DCAF12: variants seen among roughly 807,000 people sequenced by gnomAD.
The protein encoded by DCAF12 is DDB1 and CUL4 associated factor 12.
A neutral mutation model predicts 52.8 loss-of-function variants in DCAF12; 28 were observed. The observed-to-expected ratio is 0.53, with a 90% confidence interval of 0.39 to 0.73. The LOEUF (loss-of-function observed/expected upper bound fraction) is 0.73. Ranked by LOEUF, DCAF12 falls within the 30% of genes least tolerant of loss-of-function variation. The probability of loss-of-function intolerance (pLI) is 0.00; values close to 1 mark genes in which losing one functional copy is unlikely to be tolerated. For synonymous variants in DCAF12, 196 were observed against 215.5 expected, an observed-to-expected ratio of 0.91 and a Z score of 0.79; for missense variants, 425 against 552.2, an observed-to-expected ratio of 0.77 and a Z score of 2.31.
chr9:34,093,662 A>C, intron 6 of DCAF12: 1 of 514,634 alleles, frequency 1.9e-6, no homozygotes. Flanking sequence ...ACTGAAGGAG[A>C]TAGGTTGGGG....
chr9:34,097,398 G>C (rs559477961), intron 5 of DCAF12, among the ~76,000 whole-genome samples: 1 of 151,746 alleles, frequency 6.6e-6, no homozygotes, highest in African/African-American at 2.4e-5. Context: ...GGGAATACAG[G>C]CATATGCCAC....
intron 2 of DCAF12, among the ~76,000 whole-genome samples, chr9:34,116,970 C>T (rs1045410391): frequency 6.6e-6 from 1 of 152,194 alleles, no homozygotes; most frequent in African/African-American, 2.4e-5. Context: ...TAGCGCGAGA[C>T]TCCGTCTCAA....
rs1828588057 is a variant in DCAF12 at position 34,088,131 on chromosome 9, G to C, written c.*219C>G. On this transcript the variant is annotated 3_prime_UTR_variant, in exon 9 of 9. Coordinates refer to ENST00000361264, the MANE Select transcript of DCAF12 (RefSeq NM_015397.4). ...GGTTGAAAAGCCAGAAATAATAAAAGATAGTAAAATTTTGATTACCAAAGG... is the reference window on the plus strand; with the variant it reads ...GGTTGAAAAGCCAGAAATAATAAAACATAGTAAAATTTTGATTACCAAAGG... 3 of 400,074 alleles carry C rather than the reference G, an allele frequency of 7.5e-6. No individual in the cohort carries two copies. The highest frequency in any genetic ancestry group is 1.3e-5 in the Non-Finnish European group (3 of 229,464). 24.8% of individuals were successfully genotyped at this position (400,074 alleles called of 1,614,324 possible). A position where few individuals can be genotyped will look rare whatever the true frequency, so the allele number is the denominator to read the frequency against.
Position 34,126,610 on chromosome 9 carries a change from G to C in DCAF12, c.-179C>G. 1 of 681,762 alleles carries C rather than the reference G, an allele frequency of 1.5e-6. No homozygotes were observed. Among genetic ancestry groups the C allele is most frequent in the Non-Finnish European group, 2.4e-6 (1 of 417,480 alleles). 42.2% of individuals were successfully genotyped at this position (681,762 alleles called of 1,614,324 possible). A position where few individuals can be genotyped will look rare whatever the true frequency, so the allele number is the denominator to read the frequency against. On this transcript the variant is annotated 5_prime_UTR_variant, in exon 1 of 9. Transcript: ENST00000361264. Reference sequence around the variant, plus strand: ...TAGGCGGAAAGAAAGGAAAGAGAGAGGAAGGACTTGAGCCGGGAAAGGGAA... The same window carrying C: ...TAGGCGGAAAGAAAGGAAAGAGAGACGAAGGACTTGAGCCGGGAAAGGGAA...
In DCAF12 at chr9:34,117,311, C is replaced by T. The variant is rs1330936774; in HGVS notation, c.333+7712G>A. On this transcript the variant is annotated intron_variant, in intron 2 of 8. Coordinates refer to ENST00000361264, the MANE Select transcript of DCAF12 (RefSeq NM_015397.4). ...AAAAAAAGGTGCCCACCACCACGCC[C>T]GGCTAATTTTTTGTATTTTTAGTAG... Among the ~76,000 whole-genome samples, 5 of 151,244 alleles carry T rather than the reference C, an allele frequency of 3.3e-5. No individual in the cohort carries two copies. In the East Asian group the frequency reaches 7.8e-4, roughly 24 times the overall value.
rs1013268782 is a variant in DCAF12 at position 34,086,581 on chromosome 9, A to C, written c.*1769T>G. 2.0e-5 allele frequency: 3 copies of C among 152,184 alleles called. No homozygotes were observed. The highest frequency in any genetic ancestry group is 7.2e-5 in the African/African-American group (3 of 41,456). The allele number at this position is 152,184 out of a possible 1,614,324, so 9.4% of individuals were successfully genotyped here. A position where few individuals can be genotyped will look rare whatever the true frequency, so the allele number is the denominator to read the frequency against. On this transcript the variant is annotated 3_prime_UTR_variant, in exon 9 of 9. Transcript: ENST00000361264. The stretch of plus-strand genomic sequence containing the variant: ...AATGATAGAAGTTCTGTGAGAACTA[A>C]GAAATCTACAGCCTGTAGTTTAATA...
intron 1 of DCAF12, 46 bp downstream of exon 1, chr9:34,126,308 T>C (rs1829249134): frequency 6.2e-7 from 1 of 1,604,708 alleles, no homozygotes; most frequent in Non-Finnish European, 8.5e-7. Context: ...AAGCCCATCT[T>C]GGTTCCTCAG....
rs941237804 is a variant in DCAF12 at position 34,086,555 on chromosome 9, A to C, written c.*1795T>G. The C allele has an allele frequency of 2.0e-4, 31 of 152,320 alleles. No homozygotes were observed. Among genetic ancestry groups the C allele is most frequent in the African/African-American group, 7.2e-4 (30 of 41,590 alleles). The allele number at this position is 152,320 out of a possible 1,614,324, so 9.4% of individuals were successfully genotyped here. A position where few individuals can be genotyped will look rare whatever the true frequency, so the allele number is the denominator to read the frequency against. On this transcript the variant is annotated 3_prime_UTR_variant, in exon 9 of 9. Coordinates refer to ENST00000361264, the MANE Select transcript of DCAF12 (RefSeq NM_015397.4). ...TTTTTTAAATATACAAGTCAGTTTA[A>C]AATGATAGAAGTTCTGTGAGAACTA... is the stretch of plus-strand genomic sequence containing the variant.
intron 2 of DCAF12, among the ~76,000 whole-genome samples, chr9:34,118,493 A>C (rs1396013129): frequency 6.6e-6 from 1 of 152,156 alleles, no homozygotes; most frequent in African/African-American, 2.4e-5. Flanking sequence ...TATTCAGGAG[A>C]AAATCTGTAC....
chr9:34,103,958 C>A (rs1444392442), intron 4 of DCAF12, among the ~76,000 whole-genome samples: 2 of 152,088 alleles, frequency 1.3e-5, no homozygotes, highest in African/African-American at 4.8e-5. Flanking sequence ...CTGCTAATCT[C>A]CTGAACACTT....
intron 7 of DCAF12, among the ~76,000 whole-genome samples, chr9:34,092,219 A>G (rs1828655969): frequency 6.6e-6 from 1 of 152,248 alleles, no homozygotes; most frequent in Non-Finnish European, 1.5e-5. Flanking sequence ...AGGTTCTGAC[A>G]TATGTATATA....
chr9:34,094,554 G>A (rs1186258522), intron 6 of DCAF12, among the ~76,000 whole-genome samples: 1 of 142,962 alleles, frequency 7.0e-6, no homozygotes, highest in Non-Finnish European at 1.5e-5. Context: ...TTTTTGAGAC[G>A]GAGTCTCGCA....
At chr9:34,095,082 GCTTT>G (rs771149984) in intron 6 of DCAF12, among the ~76,000 whole-genome samples, 15 of 135,468 alleles carry the variant, frequency 1.1e-4, no homozygotes, top group Admixed American at 3.8e-4. Flanking sequence ...GACTTTGGAG[GCTTT>G]TTTTTTTGAG....
Position 34,126,506 on chromosome 9 carries a change from T to C in DCAF12, c.-75A>G. On this transcript the variant is annotated 5_prime_UTR_variant, in exon 1 of 9. Transcript: ENST00000361264. ...AAGGATAGCAGGACGGCGGGTCATA[T>C]ACTGGGCCCCGGGGCCGCGCACCTT... 2 of 1,513,364 alleles carry C rather than the reference T, an allele frequency of 1.3e-6. No individual in the cohort carries two copies. The highest frequency in any genetic ancestry group is 1.8e-6 in the Non-Finnish European group (2 of 1,130,322). 93.7% of individuals were successfully genotyped at this position (1,513,364 alleles called of 1,614,324 possible). A position where few individuals can be genotyped will look rare whatever the true frequency, so the allele number is the denominator to read the frequency against.
chr9:34,091,508 C>T (rs941361541), intron 7 of DCAF12, among the ~76,000 whole-genome samples: 14 of 151,574 alleles, frequency 9.2e-5, no homozygotes, highest in African/African-American at 3.4e-4. Flanking sequence ...AGGTGGCGGA[C>T]GCTTATAGTC....
intron 7 of DCAF12, among the ~76,000 whole-genome samples, chr9:34,090,531 T>C (rs1276871944): frequency 8.5e-5 from 13 of 152,218 alleles, no homozygotes; most frequent in Admixed American, 8.5e-4. Flanking sequence ...AAGATGTCTC[T>C]TGGCACATAA....
In DCAF12 at chr9:34,125,261, G is replaced by A; in HGVS notation, c.95C>T (p.Ser32Leu). 1 of 1,614,066 alleles carries A rather than the reference G, an allele frequency of 6.2e-7. No individual in the cohort carries two copies. Among genetic ancestry groups the A allele is most frequent in the Non-Finnish European group, 8.5e-7 (1 of 1,180,008 alleles). The change falls in exon 2 of 9, where the codon TCG (serine) becomes TTG (leucine). Residue 32 changes from serine to leucine, a missense_variant. Ser to Leu is a moderately radical substitution (Grantham distance 145). This residue lies in a region of DCAF12 where 89 missense variants were observed against 84.9 expected (regional missense o/e 1.05). Transcript: ENST00000361264. ...AGGAAGTCTTTTCCTTTTGTGAAGC[G>A]AGTGATCCCAGCCAAACTGTGGAAA... ...AQGPQFGWDHSLHKRKRLPPV... is the reference protein window; with the variant it reads ...AQGPQFGWDHLLHKRKRLPPV...
At position 34,088,471 on chromosome 9, in the gene DCAF12, A is replaced by C; in HGVS notation, c.1241T>G (p.Ile414Ser). The C allele has an allele frequency of 6.2e-6, 10 of 1,614,200 alleles. No individual in the cohort carries two copies. The highest frequency in any genetic ancestry group is 6.8e-6 in the Non-Finnish European group (8 of 1,180,034). Residue 414 changes from isoleucine to serine, a missense_variant, in exon 9 of 9, where the codon ATT becomes AGT. Transcript: ENST00000361264. ...GTAAACAGCATTGGGGAAGAAGTCA[A>C]TGTCTGAAAAGTAATTCCTCCAGGT... ...DETWRNYFSD[I>S]DFFPNAVYTH...
intron 2 of DCAF12, among the ~76,000 whole-genome samples, chr9:34,112,448 G>C (rs573852283): frequency 6.0e-4 from 91 of 151,592 alleles, no homozygotes; most frequent in African/African-American, 2.0e-3. Context: ...ACAAAAATCA[G>C]CCAGGTGTGG....
Sources: gnomAD v4.1 joint callset for allele counts (sites outside exome capture counted in the v4.1 genomes callset) on GRCh38, gnomAD v4.1.1 for gene constraint, gnomAD v4.1.1 regional missense constraint, MANE v1.5 for transcripts, NCBI Gene and HGNC (gene_info 2026-07-23, HGNC 2026-07-21) for gene names.